Variants in ATP10B observed in about 807,000 individuals in gnomAD.
ATP10B encodes the protein phospholipid-transporting ATPase VB.
A neutral mutation model predicts 141.2 loss-of-function variants in ATP10B; 122 were observed. That is an observed-to-expected ratio of 0.86 (90% confidence interval 0.75 to 1.00). The LOEUF is 1.00. ATP10B is among the 50% of genes least tolerant of loss of function. The probability of loss-of-function intolerance (pLI) is 0.00; values close to 1 mark genes in which losing one functional copy is unlikely to be tolerated. For synonymous variants in ATP10B, 685 were observed against 692.0 expected (o/e 0.99, Z 0.16); for missense variants, 1,876 against 1,825.3 (o/e 1.03, Z -0.51).
intron 9 of ATP10B, among the ~76,000 whole-genome samples, chr5:160,642,766 T>C (rs1456756990): frequency 6.6e-6 from 1 of 152,224 alleles, no homozygotes; most frequent in Admixed American, 6.5e-5. Flanking sequence ...CATTCTAACA[T>C]TATAAAGCTA....
chr5:160,608,092 C>T (rs1050448077), intron 18 of ATP10B, among the ~76,000 whole-genome samples: 4 of 152,026 alleles, frequency 2.6e-5, no homozygotes, highest in South Asian at 2.1e-4. Flanking sequence ...CCCCACCCCA[C>T]GACAGGCCCC....
At position 160,622,353 on chromosome 5, in the gene ATP10B, A is replaced by G. The variant is rs749981417; in HGVS notation, c.1812+41T>C. The G allele has an allele frequency of 3.2e-6, 5 of 1,555,526 alleles. No homozygotes were observed. The East Asian group carries it at 9.3e-5, about 29-fold the overall frequency. On this transcript the variant is annotated intron_variant, in intron 14 of 25. Transcript: ENST00000327245. ...CCCCTACCCTGCCTTCTACTCCTCT[A>G]CCTCCTTTACCCTCCTCCCCCAGCC...
At chr5:160,572,178 C>T (rs547552234) in intron 24 of ATP10B, among the ~76,000 whole-genome samples, 1 of 93,100 alleles carries the variant, frequency 1.1e-5, no homozygotes, top group Admixed American at 1.0e-4. Context: ...CTTGCTCATG[C>T]TTTTAAAGAG....
At chr5:160,762,560 G>A (rs1410473417) in intron 2 of ATP10B, among the ~76,000 whole-genome samples, 1 of 151,956 alleles carries the variant, frequency 6.6e-6, no homozygotes, top group East Asian at 1.9e-4. Context: ...GGCAAAAGGA[G>A]TTCTAAATCT....
At chr5:160,852,824 T>C (rs914670565), upstream of ATP10B, among the ~76,000 whole-genome samples, 13 of 152,124 alleles carry the variant, frequency 8.5e-5, no homozygotes, top group Admixed American at 8.5e-4. Context: ...CATGAGCAAG[T>C]TGCTGTATTG....
intron 23 of ATP10B, among the ~76,000 whole-genome samples, chr5:160,590,449 T>G (rs1277319666): frequency 2.0e-5 from 3 of 152,200 alleles, no homozygotes; most frequent in African/African-American, 7.2e-5. Flanking sequence ...CCCATCCTGT[T>G]CCGTGTGTCC....
intron 24 of ATP10B, among the ~76,000 whole-genome samples, chr5:160,584,117 G>T (rs1755733003): frequency 6.6e-6 from 1 of 152,108 alleles, no homozygotes; most frequent in African/African-American, 2.4e-5. Context: ...CTCCATGTCT[G>T]CCCAAACGGC....
At chr5:160,603,899 C>T (rs1757233327) in intron 20 of ATP10B, 66 bp downstream of exon 20, 1 of 1,438,738 alleles carries the variant, frequency 7.0e-7, no homozygotes, top group Non-Finnish European at 9.8e-7. Flanking sequence ...TTCTCCAACA[C>T]TCTGGATATT....
At chr5:160,597,573 C>A (rs1756795320) in intron 22 of ATP10B, among the ~76,000 whole-genome samples, 1 of 151,960 alleles carries the variant, frequency 6.6e-6, no homozygotes, top group South Asian at 2.1e-4. Flanking sequence ...AGAGCTTCTG[C>A]ACAGCAAAAG....
the ATP10B span, among the ~76,000 whole-genome samples, chr5:160,912,598 AAGAAAAGAAAAG>A: frequency 1.3e-5 from 2 of 151,906 alleles, no homozygotes; most frequent in African/African-American, 2.4e-5. Flanking sequence ...GCCACTGTCA[AAGAAAAGAAAAG>A]AGAAAAGAAA....
chr5:160,824,165 C>T (rs752346632), intron 1 of ATP10B, among the ~76,000 whole-genome samples: 6 of 151,860 alleles, frequency 4.0e-5, no homozygotes, highest in African/African-American at 7.2e-5. Context: ...GGGACTAGCC[C>T]GCCACCTCCC....
At chr5:160,632,442 G>GT (rs1486292134) in intron 12 of ATP10B, 75 bp from the exon 13 acceptor site, 2 of 1,398,948 alleles carry the variant, frequency 1.4e-6, no homozygotes, top group African/African-American at 1.4e-5. Flanking sequence ...TAGACTTTGT[G>GT]TGGGGGGTGG....
At chr5:160,803,017 A>G (rs1198126690) in intron 1 of ATP10B, among the ~76,000 whole-genome samples, 1 of 152,180 alleles carries the variant, frequency 6.6e-6, no homozygotes, top group Non-Finnish European at 1.5e-5. Flanking sequence ...TCTCCTGCAC[A>G]TGCTCCCTGG....
Position 160,639,649 on chromosome 5 carries a change from C to T in ATP10B, c.1000+812G>A, listed in dbSNP as rs182280164. Among the ~76,000 whole-genome samples, 138 of 152,212 alleles carry T rather than the reference C, an allele frequency of 9.1e-4. 1 individual carries two copies. Among genetic ancestry groups the T allele is most frequent in the Non-Finnish European group, 1.4e-3 (98 of 68,022 alleles). ...AGAACTGCCGATGCCCTGACTTTAACGCAGTGGTCTGCAACATTTTTGGTA... is the reference window on the plus strand; with the variant it reads ...AGAACTGCCGATGCCCTGACTTTAATGCAGTGGTCTGCAACATTTTTGGTA... On this transcript the variant is annotated intron_variant, in intron 10 of 25. Transcript: ENST00000327245.
intron 18 of ATP10B, among the ~76,000 whole-genome samples, chr5:160,609,380 T>C (rs922775677): frequency 1.3e-5 from 1 of 79,472 alleles, no homozygotes; most frequent in East Asian, 2.8e-4. Context: ...TGCCATAACT[T>C]ATTTTTTTTT....
At chr5:160,661,388 A>C (rs1030833251) in intron 7 of ATP10B, among the ~76,000 whole-genome samples, 6 of 152,192 alleles carry the variant, frequency 3.9e-5, no homozygotes, top group Non-Finnish European at 8.8e-5. Flanking sequence ...AAATATTGAA[A>C]ACTGATTTGA....
chr5:160,876,628 T>C, the ATP10B span, among the ~76,000 whole-genome samples: 1 of 151,746 alleles, frequency 6.6e-6, no homozygotes, highest in Admixed American at 6.6e-5. Context: ...ACAAAATTGA[T>C]AGACTGCTAG....
At chr5:160,881,983 T>C in the ATP10B span, among the ~76,000 whole-genome samples, 1 of 152,070 alleles carries the variant, frequency 6.6e-6, no homozygotes, top group Non-Finnish European at 1.5e-5. Flanking sequence ...TAACCTTAAA[T>C]GCATATTACT....
chr5:160,920,602 T>C, the ATP10B span, among the ~76,000 whole-genome samples: 1 of 152,230 alleles, frequency 6.6e-6, no homozygotes, highest in Non-Finnish European at 1.5e-5. Flanking sequence ...TGTTCCCAGA[T>C]ACGTAAGTCA....
Sources: gnomAD v4.1 joint callset for allele counts (sites outside exome capture counted in the v4.1 genomes callset) on GRCh38, gnomAD v4.1.1 for gene constraint, MANE v1.5 for transcripts, NCBI Gene and HGNC (gene_info 2026-07-23, HGNC 2026-07-21) for gene names.